RELN: variants seen among roughly 807,000 people sequenced by gnomAD.
RELN encodes the protein reelin.
In RELN, 108 loss-of-function variants were observed where a neutral mutation model predicts 427.6. The ratio of observed to expected loss-of-function variants is 0.25; its 90% CI spans 0.22 to 0.30. RELN has a LOEUF of 0.30. Ranked by LOEUF, RELN falls within the 10% of genes least tolerant of loss-of-function variation. The pLI, the probability that RELN is intolerant of heterozygous loss-of-function variation, is 1.00. For missense variants in RELN, 3,715 were observed against 4,302.8 expected (o/e 0.86, Z 3.82); for synonymous variants, 1,524 against 1,513.4 (o/e 1.01, Z -0.16).
intron 4 of RELN, among the ~76,000 whole-genome samples, chr7:103,763,190 T>C (rs915752738): frequency 2.6e-5 from 4 of 152,104 alleles, no homozygotes; most frequent in African/African-American, 4.8e-5. Context: ...AGTTCATCAA[T>C]GAAAAAAGAG....
chr7:103,667,005 A>C (rs1833282274), intron 11 of RELN, among the ~76,000 whole-genome samples: 3 of 152,140 alleles, frequency 2.0e-5, no homozygotes, highest in Admixed American at 2.0e-4. Flanking sequence ...TGAACTGCCT[A>C]AGTTTCAGCT....
Position 103,489,842 on chromosome 7 carries a change from T to C in RELN, c.9663A>G (p.Ala3221=), listed in dbSNP as rs931171323. The change falls in exon 60 of 65, where the codon GCA becomes GCG. Residue 3221 remains alanine (A), a synonymous_variant. Coordinates refer to ENST00000428762, the MANE Select transcript of RELN (RefSeq NM_005045.4). ...KGEETEKQSW[A]IDHVYIGEAC... is the part of the protein sequence containing the mutation. ...CCTCTCCAATGTACACGTGGTCAAT[T>C]GCCCAGCTTTGCTTCTCAGTTTCTT... 1.9e-6 allele frequency: 3 copies of C among 1,614,082 alleles called. No homozygotes were observed. The highest frequency in any genetic ancestry group is 2.5e-6 in the Non-Finnish European group (3 of 1,180,044).
intron 64 of RELN, among the ~76,000 whole-genome samples, chr7:103,474,251 A>C (rs1827953954): frequency 6.6e-6 from 1 of 152,166 alleles, no homozygotes; most frequent in South Asian, 2.1e-4. Flanking sequence ...TGTATAATCA[A>C]AAAGCAATAG....
chr7:103,822,592 T>C (rs1563033674), intron 3 of RELN, among the ~76,000 whole-genome samples: 2 of 152,100 alleles, frequency 1.3e-5, no homozygotes, highest in East Asian at 3.8e-4. Flanking sequence ...AAGCATGTAT[T>C]CATTCATCTA....
intron 2 of RELN, among the ~76,000 whole-genome samples, chr7:103,869,355 C>CTTTTTTTTACTTCATATACCT (rs1424451596): frequency 1.3e-5 from 2 of 151,886 alleles, no homozygotes; most frequent in African/African-American, 2.4e-5. Context: ...TTCTTTATAC[C>CTTTTTTTTACTTCATATACCT]TTTTTTTACT....
chr7:103,844,012 G>A (rs1194424337), intron 2 of RELN, among the ~76,000 whole-genome samples: 1 of 152,166 alleles, frequency 6.6e-6, no homozygotes, highest in Non-Finnish European at 1.5e-5. Flanking sequence ...TACCTGTCCA[G>A]AAATATATTC....
At chr7:103,935,876 G>C (rs987858728) in intron 1 of RELN, among the ~76,000 whole-genome samples, 17 of 152,070 alleles carry the variant, frequency 1.1e-4, no homozygotes, top group Non-Finnish European at 2.5e-4. Flanking sequence ...TCCTTTCTCA[G>C]TATTCCCCAC....
intron 44 of RELN, 120 bp downstream of exon 44, chr7:103,540,077 T>C (rs994561456): frequency 8.9e-7 from 1 of 1,117,876 alleles, no homozygotes; most frequent in African/African-American, 1.5e-5. Context: ...CTTGGGCAAG[T>C]CACTCAACTG....
At chr7:103,859,212 T>C (rs900717781) in intron 2 of RELN, among the ~76,000 whole-genome samples, 1 of 152,232 alleles carries the variant, frequency 6.6e-6, no homozygotes, top group East Asian at 1.9e-4. Flanking sequence ...CTAATATTAA[T>C]ACCAGTCAAA....
At chr7:103,916,613 A>G (rs909620333) in intron 2 of RELN, among the ~76,000 whole-genome samples, 1 of 152,202 alleles carries the variant, frequency 6.6e-6, no homozygotes, top group Non-Finnish European at 1.5e-5. Flanking sequence ...TCTTCTAAGA[A>G]TACTCATAGA....
chr7:103,901,130 A>G (rs894741224), intron 2 of RELN, among the ~76,000 whole-genome samples: 1 of 152,076 alleles, frequency 6.6e-6, no homozygotes, highest in African/African-American at 2.4e-5. Flanking sequence ...AAGATGTACG[A>G]TGGTCAATAA....
intron 2 of RELN, among the ~76,000 whole-genome samples, chr7:103,883,491 C>T (rs7357331): frequency 0.79 from 119,586 of 152,164 alleles, 47,046 homozygotes; most frequent in East Asian, 0.87. Flanking sequence ...GGAAGTCAAA[C>T]TGTCTCTGTT....
At chr7:103,542,631 G>C in intron 43 of RELN, 100 bp downstream of exon 43, 1 of 1,222,430 alleles carries the variant, frequency 8.2e-7, no homozygotes, top group South Asian at 1.2e-5. Context: ...ACAATGGAAG[G>C]CCTTGTCCTT....
chr7:103,577,290 AT>A (rs1283478186), intron 28 of RELN, among the ~76,000 whole-genome samples: 12 of 152,292 alleles, frequency 7.9e-5, no homozygotes, highest in African/African-American at 2.9e-4. Context: ...GCAATGAACC[AT>A]AACCTTGGCT....
chr7:103,475,973 G>A (rs1017982313), intron 64 of RELN, among the ~76,000 whole-genome samples: 2 of 151,852 alleles, frequency 1.3e-5, no homozygotes, highest in African/African-American at 2.4e-5. Context: ...GGCTGGTGTC[G>A]AACTCCTGGC....
chr7:103,582,754 G>A (rs914329311), intron 28 of RELN, among the ~76,000 whole-genome samples: 1 of 152,114 alleles, frequency 6.6e-6, no homozygotes, highest in Non-Finnish European at 1.5e-5. Context: ...CAAACAGAAT[G>A]ACCTCCAAGA....
chr7:103,709,288 C>T (rs1789729843), intron 8 of RELN, among the ~76,000 whole-genome samples: 1 of 152,152 alleles, frequency 6.6e-6, no homozygotes. Context: ...TGGGTAACAA[C>T]ATCACATGGT....
intron 3 of RELN, among the ~76,000 whole-genome samples, chr7:103,813,132 G>A (rs921746255): frequency 2.0e-5 from 3 of 152,078 alleles, no homozygotes; most frequent in Non-Finnish European, 4.4e-5. Flanking sequence ...TACTACGTTT[G>A]TTTCCCTGGA....
At chr7:103,978,305 G>C (rs534445685) in intron 1 of RELN, among the ~76,000 whole-genome samples, 2 of 151,592 alleles carry the variant, frequency 1.3e-5, no homozygotes, top group South Asian at 4.2e-4. Flanking sequence ...CCACATATAA[G>C]TGAAATCATG....
Sources: allele counts gnomAD v4.1 joint callset (sites outside exome capture counted in the v4.1 genomes callset), GRCh38; gene constraint gnomAD v4.1.1; transcripts MANE v1.5; gene names NCBI Gene and HGNC (gene_info 2026-07-23, HGNC 2026-07-21).